Variants in NBEAL1 observed in about 807,000 individuals in gnomAD.
NBEAL1 encodes the protein neurobeachin like 1.
Under a neutral mutation model 351.3 loss-of-function variants are expected in NBEAL1, and 273 were observed. The observed-to-expected ratio is 0.78, with a 90% CI of 0.70 to 0.86. NBEAL1 has a LOEUF of 0.86. NBEAL1 is among the 40% of genes least tolerant of loss of function. The pLI is 0.00. For missense variants in NBEAL1, 2,961 were observed against 3,201.3 expected (o/e 0.92, Z 1.81); for synonymous variants, 1,050 against 1,086.4 (o/e 0.97, Z 0.66).
At chr2:203,089,473 A>C (rs905267817) in intron 10 of NBEAL1, among the ~76,000 whole-genome samples, 2 of 152,232 alleles carry the variant, frequency 1.3e-5, no homozygotes, top group Non-Finnish European at 2.9e-5. Context: ...CTTGTAAACA[A>C]TAAAACTCTA....
chr2:203,140,859 G>A (rs566705395), intron 31 of NBEAL1, among the ~76,000 whole-genome samples: 2 of 152,090 alleles, frequency 1.3e-5, no homozygotes, highest in Admixed American at 6.6e-5. Context: ...CCATCATAAC[G>A]AAACCCCATT....
intron 2 of NBEAL1, among the ~76,000 whole-genome samples, chr2:203,026,989 A>G (rs2060869374): frequency 6.6e-6 from 1 of 152,224 alleles, no homozygotes; most frequent in Non-Finnish European, 1.5e-5. Flanking sequence ...GGCTGTTGAC[A>G]AAAACCCTTG....
chr2:203,101,084 GT>G (rs962089082), intron 12 of NBEAL1, among the ~76,000 whole-genome samples: 1 of 152,042 alleles, frequency 6.6e-6, no homozygotes, highest in African/African-American at 2.4e-5. Flanking sequence ...GTCAATTTTT[GT>G]TTTTGTTGCA....
intron 35 of NBEAL1, among the ~76,000 whole-genome samples, chr2:203,154,032 TC>T (rs1268348013): frequency 6.6e-6 from 1 of 151,782 alleles, no homozygotes; most frequent in East Asian, 1.9e-4. Context: ...GATCACGAGG[TC>T]AGGAGATCAA....
At chr2:203,078,675 C>G (rs1053279215) in intron 8 of NBEAL1, among the ~76,000 whole-genome samples, 1 of 152,086 alleles carries the variant, frequency 6.6e-6, no homozygotes, top group African/African-American at 2.4e-5. Flanking sequence ...TTCTAGTTGA[C>G]GAAAGGATTA....
At chr2:203,190,670 C>A in intron 46 of NBEAL1, 1 of 297,288 alleles carries the variant, frequency 3.4e-6, no homozygotes, top group Non-Finnish European at 4.8e-6. Flanking sequence ...AGAGCCCAAA[C>A]CCAGTCTTAA....
rs1056536827 is a variant in NBEAL1, at chr2:203,222,302, G to A, written c.*4948G>A. 2.6e-5 allele frequency among the ~76,000 whole-genome samples: 4 copies of A among 152,154 alleles called. No homozygotes were observed. Among genetic ancestry groups the A allele is most frequent in the African/African-American group, 9.7e-5 (4 of 41,434 alleles). On this transcript the variant is annotated 3_prime_UTR_variant, in exon 56 of 56. Coordinates refer to ENST00000683969, the MANE Select transcript of NBEAL1 (RefSeq NM_001378026.1). ...ATAAATATACAGATATGTAGGCACT[G>A]CTTTGGACTTCATGAATCTCTTTGC...
rs1575044031 is a variant in NBEAL1 at position 203,147,826 on chromosome 2, G to A, written c.5305-1165G>A. On this transcript the variant is annotated intron_variant, in intron 33 of 55. Transcript: ENST00000683969. The stretch of plus-strand genomic sequence containing the variant: ...ATCCAAGAAGATTTCTCTAGGATAA[G>A]TGGAATTACTAGTGTGTAGTCCTTA... 3.9e-5 allele frequency among the ~76,000 whole-genome samples: 6 copies of A among 152,058 alleles called. No individual in the cohort carries two copies. The South Asian group carries it at 1.2e-3, about 32-fold the overall frequency.
At chr2:203,040,749 C>G in intron 2 of NBEAL1, 3 of 572,890 alleles carry the variant, frequency 5.2e-6, no homozygotes, top group South Asian at 4.5e-5. Context: ...TTTTGGTGAC[C>G]CATCATGCTC....
At position 203,217,572 on chromosome 2, in the gene NBEAL1, A is replaced by G. The variant is rs2065910735; in HGVS notation, c.*218A>G. ...ATTTGATTTTGTGGCCCATTCCTAAAGGTCATTGTATCCATTTTTAAAACA... is the reference window on the plus strand; with the variant it reads ...ATTTGATTTTGTGGCCCATTCCTAAGGGTCATTGTATCCATTTTTAAAACA... On this transcript the variant is annotated 3_prime_UTR_variant, in exon 56 of 56. Coordinates refer to ENST00000683969, the MANE Select transcript of NBEAL1 (RefSeq NM_001378026.1). 8.8e-7 allele frequency: 1 copy of G among 1,138,608 alleles called. No homozygotes were observed. Among genetic ancestry groups the G allele is most frequent in the Non-Finnish European group, 1.1e-6 (1 of 923,160 alleles). The allele number at this position is 1,138,608 out of a possible 1,614,324, so 70.5% of individuals were successfully genotyped here. A position where few individuals can be genotyped will look rare whatever the true frequency, so the allele number is the denominator to read the frequency against.
intron 3 of NBEAL1, among the ~76,000 whole-genome samples, chr2:203,047,491 CCTT>C (rs2061248042): frequency 6.6e-6 from 1 of 152,088 alleles, no homozygotes. Flanking sequence ...TTTCTACTGT[CCTT>C]CTCCTTAGGT....
At chr2:203,119,149 T>C (rs778635403) in intron 18 of NBEAL1, among the ~76,000 whole-genome samples, 95 of 152,082 alleles carry the variant, frequency 6.2e-4, no homozygotes, top group Non-Finnish European at 1.0e-3. Flanking sequence ...TTAAATAAAT[T>C]TGGGGGACTG....
intron 20 of NBEAL1, 25 bp downstream of exon 20, chr2:203,125,545 A>T: frequency 7.3e-7 from 1 of 1,370,670 alleles, no homozygotes; most frequent in South Asian, 2.0e-5. Context: ...TTAACACAAA[A>T]TAGTCATTGA....
chr2:203,171,888 A>T, intron 39 of NBEAL1, 40 bp from the exon 40 acceptor site: 1 of 1,219,730 alleles, frequency 8.2e-7, no homozygotes, highest in African/African-American at 1.6e-5. Context: ...AGAGATGTAG[A>T]TTTTTAAATT....
chr2:203,041,362 A>G (rs1228518802), intron 2 of NBEAL1, among the ~76,000 whole-genome samples: 1 of 152,182 alleles, frequency 6.6e-6, no homozygotes, highest in African/African-American at 2.4e-5. Flanking sequence ...GAAAAAAAAG[A>G]TGAGGGAGTA....
chr2:203,041,237 G>A (rs1332638691), intron 2 of NBEAL1, among the ~76,000 whole-genome samples: 2 of 152,190 alleles, frequency 1.3e-5, no homozygotes, highest in African/African-American at 4.8e-5. Flanking sequence ...GACTCCCACA[G>A]CAATGGACCA....
At chr2:203,148,884 C>T (rs1316027801) in intron 33 of NBEAL1, 107 bp from the exon 34 acceptor site, 3 of 967,404 alleles carry the variant, frequency 3.1e-6, no homozygotes, top group Non-Finnish European at 4.3e-6. Context: ...GCTTCTTTCT[C>T]ATAATGCAAG....
intron 12 of NBEAL1, among the ~76,000 whole-genome samples, chr2:203,100,901 G>T (rs1433658885): frequency 6.6e-6 from 1 of 152,062 alleles, no homozygotes; most frequent in African/African-American, 2.4e-5. Context: ...TTTTAGTCGG[G>T]TTATTTGCTT....
chr2:203,150,233 AT>A (rs1375053480), intron 34 of NBEAL1, among the ~76,000 whole-genome samples: 1 of 151,942 alleles, frequency 6.6e-6, no homozygotes, highest in East Asian at 1.9e-4. Flanking sequence ...TTATTTCCTG[AT>A]TTTTTATTAT....
Sources: gnomAD v4.1 joint callset for allele counts (sites outside exome capture counted in the v4.1 genomes callset) on GRCh38, gnomAD v4.1.1 for gene constraint, MANE v1.5 for transcripts, NCBI Gene and HGNC (gene_info 2026-07-23, HGNC 2026-07-21) for gene names.